Variants in CCSER1 observed in about 807,000 individuals in gnomAD.
CCSER1 encodes the protein serine-rich coiled-coil domain-containing protein 1.
CCSER1 carries 41 observed loss-of-function variants against 82.0 expected under a neutral mutation model. The ratio of observed to expected loss-of-function variants is 0.50; its 90% CI spans 0.39 to 0.65. CCSER1 has a LOEUF of 0.65. Among genes scored for constraint, CCSER1 ranks in the 30% least tolerant of loss-of-function variants. The probability of loss-of-function intolerance (pLI) is 0.00; values close to 1 mark genes in which losing one functional copy is unlikely to be tolerated. For missense variants in CCSER1, 1,119 were observed against 1,064.2 expected (o/e 1.05, Z -0.72); for synonymous variants, 414 against 383.9 (o/e 1.08, Z -0.92).
chr4:90,313,070 C>T lies in CCSER1; in HGVS notation c.1509+23C>T, dbSNP rs774677238. The T allele has an allele frequency of 2.6e-6, 4 of 1,547,108 alleles. No individual in the cohort carries two copies. The African/African-American group carries it at 5.5e-5, about 21-fold the overall frequency. On this transcript the variant is annotated intron_variant, in intron 3 of 10. Coordinates refer to ENST00000509176, the MANE Select transcript of CCSER1 (RefSeq NM_001145065.2). Reference sequence around the variant, plus strand: ...TTGGTAAGTATATACATATGTCTGCCTCTAATAAAATAATGCTGTCTATAT... The same window carrying T: ...TTGGTAAGTATATACATATGTCTGCTTCTAATAAAATAATGCTGTCTATAT...
chr4:90,208,076 A>C (rs2153411962), intron 1 of CCSER1, among the ~76,000 whole-genome samples: 1 of 152,326 alleles, frequency 6.6e-6, no homozygotes, highest in East Asian at 1.9e-4. Context: ...GGAACGTTTA[A>C]GTCTGCTGAA....
intron 5 of CCSER1, among the ~76,000 whole-genome samples, chr4:90,479,008 G>C (rs1765503878): frequency 6.6e-6 from 1 of 151,992 alleles, no homozygotes; most frequent in Non-Finnish European, 1.5e-5. Flanking sequence ...CAAAGTGCTA[G>C]GATTACAGGT....
intron 9 of CCSER1, among the ~76,000 whole-genome samples, chr4:91,006,190 C>T (rs1738486470): frequency 6.6e-6 from 1 of 151,698 alleles, no homozygotes; most frequent in Admixed American, 6.6e-5. Context: ...CATTTTTTTT[C>T]ACCAATGTTT....
Position 90,817,750 on chromosome 4 carries a change from A to T in CCSER1, c.2094+1905A>T, listed in dbSNP as rs901542900. Among the ~76,000 whole-genome samples the T allele has an allele frequency of 2.6e-5, 4 of 152,254 alleles. No individual in the cohort carries two copies. The East Asian group carries it at 7.7e-4, about 29-fold the overall frequency. On this transcript the variant is annotated intron_variant, in intron 8 of 10. Coordinates refer to ENST00000509176, the MANE Select transcript of CCSER1 (RefSeq NM_001145065.2). ...TTAGAGGAAACATGGTTGGAAAAAA[A>T]ATTGTCATTCAAACTGGATTTGGAG... is the stretch of plus-strand genomic sequence containing the variant.
At chr4:91,423,381 G>T (rs573118564) in intron 10 of CCSER1, among the ~76,000 whole-genome samples, 1 of 151,962 alleles carries the variant, frequency 6.6e-6, no homozygotes, top group East Asian at 1.9e-4. Context: ...AGTAGGTTGA[G>T]ATCATGCCAC....
intron 8 of CCSER1, among the ~76,000 whole-genome samples, chr4:90,852,687 G>A (rs2149939659): frequency 6.6e-6 from 1 of 152,202 alleles, no homozygotes; most frequent in East Asian, 1.9e-4. Flanking sequence ...CTTTTTTGTT[G>A]TTGTTGTTTT....
rs78010185 is a variant in CCSER1, at chr4:90,816,341, A to G, written c.2094+496A>G. On this transcript the variant is annotated intron_variant, in intron 8 of 10. Coordinates refer to ENST00000509176, the MANE Select transcript of CCSER1 (RefSeq NM_001145065.2). Reference sequence around the variant, plus strand: ...TCCCAAATTATGTAAAAATTATACAAAAATATGCAGTGTGTGTGGTTCAGG... The same window carrying G: ...TCCCAAATTATGTAAAAATTATACAGAAATATGCAGTGTGTGTGGTTCAGG... Among the ~76,000 whole-genome samples, 845 of 152,272 alleles carry G rather than the reference A, an allele frequency of 5.5e-3. 48 individuals carry two copies. In the East Asian group the frequency reaches 0.14, roughly 25 times the overall value.
intron 1 of CCSER1, among the ~76,000 whole-genome samples, chr4:90,137,846 T>A (rs1016193924): frequency 6.6e-6 from 1 of 152,212 alleles, no homozygotes; most frequent in African/African-American, 2.4e-5. Flanking sequence ...GTTACTTAAC[T>A]GCAGTTACTA....
intron 6 of CCSER1, among the ~76,000 whole-genome samples, chr4:90,633,417 G>C (rs1270234311): frequency 1.3e-4 from 19 of 151,904 alleles, no homozygotes; most frequent in Non-Finnish European, 2.8e-4. Flanking sequence ...GTATGCCCAA[G>C]TCTATCAATG....
chr4:91,179,913 G>A lies in CCSER1; in HGVS notation c.2217+93919G>A, dbSNP rs565255994. Among the ~76,000 whole-genome samples, 25 of 152,312 alleles carry A rather than the reference G, an allele frequency of 1.6e-4. No homozygotes were observed. The South Asian group carries it at 5.0e-3, about 30-fold the overall frequency. ...GATTTTTAGAATTTTCAGCTTTTCTGCTCTGGTTTCTCCTCATCTTTTTGG... is the reference window on the plus strand; with the variant it reads ...GATTTTTAGAATTTTCAGCTTTTCTACTCTGGTTTCTCCTCATCTTTTTGG... On this transcript the variant is annotated intron_variant, in intron 10 of 10. Transcript: ENST00000509176.
chr4:90,940,767 C>G (rs561147641), intron 9 of CCSER1, among the ~76,000 whole-genome samples: 1 of 152,036 alleles, frequency 6.6e-6, no homozygotes, highest in Admixed American at 6.6e-5. Context: ...GCAAACTTGT[C>G]GTCATCTTTC....
At chr4:90,918,407 G>A (rs1008802974) in intron 8 of CCSER1, 7 of 371,728 alleles carry the variant, frequency 1.9e-5, no homozygotes, top group African/African-American at 1.3e-4. Flanking sequence ...TCGTTTTACA[G>A]CACTGAAAGC....
At chr4:90,201,007 A>T (rs538009156) in intron 1 of CCSER1, among the ~76,000 whole-genome samples, 9 of 152,146 alleles carry the variant, frequency 5.9e-5, no homozygotes, top group Non-Finnish European at 1.3e-4. Flanking sequence ...ACACTCCAGA[A>T]AGCTTTCAAA....
intron 10 of CCSER1, among the ~76,000 whole-genome samples, chr4:91,228,263 T>TAACA (rs1178382723): frequency 1.2e-4 from 18 of 152,092 alleles, no homozygotes; most frequent in Admixed American, 1.2e-3. Flanking sequence ...TCTTGAAAAC[T>TAACA]AACAAACACA....
chr4:91,582,278 T>C (rs1763765115), intron 10 of CCSER1, among the ~76,000 whole-genome samples: 1 of 151,576 alleles, frequency 6.6e-6, no homozygotes, highest in Non-Finnish European at 1.5e-5. Context: ...TGACCTACCA[T>C]TCTGGACATT....
At chr4:91,456,012 A>G (rs1304824809) in intron 10 of CCSER1, among the ~76,000 whole-genome samples, 1 of 152,110 alleles carries the variant, frequency 6.6e-6, no homozygotes, top group Non-Finnish European at 1.5e-5. Context: ...AATCTGAATC[A>G]TGATTGTCTT....
chr4:90,198,682 A>T (rs1737059966), intron 1 of CCSER1, among the ~76,000 whole-genome samples: 1 of 152,152 alleles, frequency 6.6e-6, no homozygotes, highest in Non-Finnish European at 1.5e-5. Flanking sequence ...CCTGACCTTT[A>T]AATTTCAAAA....
chr4:90,429,241 G>C (rs1230504313), intron 4 of CCSER1, among the ~76,000 whole-genome samples: 1 of 151,716 alleles, frequency 6.6e-6, no homozygotes, highest in Non-Finnish European at 1.5e-5. Context: ...CAAATGTGAA[G>C]TATTGATGAA....
chr4:90,403,774 A>T (rs2153547495), intron 4 of CCSER1: 1 of 152,324 alleles, frequency 6.6e-6, no homozygotes, highest in South Asian at 2.1e-4. Flanking sequence ...AGTTTATAGT[A>T]GGGCTTACTA....
Sources: allele counts gnomAD v4.1 joint callset (sites outside exome capture counted in the v4.1 genomes callset), GRCh38; gene constraint gnomAD v4.1.1; transcripts MANE v1.5; gene names NCBI Gene and HGNC (gene_info 2026-07-23, HGNC 2026-07-21).